Variants in CTNND2 observed in about 807,000 individuals in gnomAD.
CTNND2 encodes catenin delta 2.
Under a neutral mutation model 144.4 loss-of-function variants are expected in CTNND2, and 22 were observed. The ratio of observed to expected loss-of-function variants is 0.15; its 90% CI spans 0.11 to 0.22. The LOEUF is 0.22. Among genes scored for constraint, CTNND2 ranks in the 10% least tolerant of loss-of-function variants. CTNND2 has a pLI of 1.00. For synonymous variants in CTNND2, 751 were observed against 695.6 expected (o/e 1.08, Z -1.25); for missense variants, 1,353 against 1,618.8 (o/e 0.84, Z 2.82).
At chr5:11,594,939 G>C (rs970419649) in intron 2 of CTNND2, among the ~76,000 whole-genome samples, 6 of 152,120 alleles carry the variant, frequency 3.9e-5, no homozygotes, top group African/African-American at 1.2e-4. Context: ...CTTATTTTCT[G>C]ATAATCAGCA....
At chr5:11,629,848 T>C (rs1781331148) in intron 2 of CTNND2, among the ~76,000 whole-genome samples, 1 of 152,126 alleles carries the variant, frequency 6.6e-6, no homozygotes, top group Non-Finnish European at 1.5e-5. Flanking sequence ...CTCATTATTT[T>C]AACATACCAT....
chr5:10,994,563 T>C (rs540885668), intron 18 of CTNND2, among the ~76,000 whole-genome samples: 2 of 152,032 alleles, frequency 1.3e-5, no homozygotes, highest in South Asian at 2.1e-4. Context: ...GGAGGTGCTG[T>C]CGGGAGCCTT....
chr5:11,056,045 G>C (rs372544001), intron 16 of CTNND2, among the ~76,000 whole-genome samples: 3 of 152,342 alleles, frequency 2.0e-5, no homozygotes, highest in East Asian at 3.9e-4. Context: ...AACATGAGTA[G>C]TTGCAACATG....
intron 3 of CTNND2, among the ~76,000 whole-genome samples, chr5:11,524,744 C>T (rs1209825852): frequency 6.6e-6 from 1 of 152,154 alleles, no homozygotes; most frequent in Admixed American, 6.5e-5. Flanking sequence ...TAATGCAGTT[C>T]CAACGTTTAC....
chr5:11,680,206 T>C (rs1784364516), intron 2 of CTNND2, among the ~76,000 whole-genome samples: 1 of 152,100 alleles, frequency 6.6e-6, no homozygotes, highest in African/African-American at 2.4e-5. Flanking sequence ...GAACAGCAGG[T>C]GGATATCACC....
intron 12 of CTNND2, among the ~76,000 whole-genome samples, chr5:11,127,578 A>G (rs934967879): frequency 7.9e-5 from 12 of 152,174 alleles, no homozygotes; most frequent in African/African-American, 2.4e-4. Context: ...TGGAAACCCA[A>G]TGGCATTGGC....
At chr5:11,730,625 G>T (rs907687706) in intron 2 of CTNND2, among the ~76,000 whole-genome samples, 1 of 152,226 alleles carries the variant, frequency 6.6e-6, no homozygotes, top group Admixed American at 6.5e-5. Flanking sequence ...GATCCAGTTT[G>T]CCAAAGAAAC....
intron 7 of CTNND2, among the ~76,000 whole-genome samples, chr5:11,381,924 G>A (rs543437282): frequency 3.9e-5 from 6 of 152,198 alleles, no homozygotes; most frequent in South Asian, 2.1e-4. Flanking sequence ...CCAAGATCAC[G>A]CCACGGCACT....
chr5:11,159,848 G>A, intron 11 of CTNND2, 89 bp from the exon 12 acceptor site: 1 of 1,058,558 alleles, frequency 9.4e-7, no homozygotes, highest in Non-Finnish European at 1.4e-6. Context: ...TAACGGAACT[G>A]GCAGGAAGGA....
chr5:11,509,214 C>G (rs1174182940), intron 3 of CTNND2, among the ~76,000 whole-genome samples: 1 of 152,138 alleles, frequency 6.6e-6, no homozygotes, highest in Non-Finnish European at 1.5e-5. Flanking sequence ...TCTTGCAGTT[C>G]CCCTAAGGCA....
chr5:11,238,705 T>C (rs1373299968), intron 9 of CTNND2, among the ~76,000 whole-genome samples: 1 of 152,152 alleles, frequency 6.6e-6, no homozygotes, highest in Non-Finnish European at 1.5e-5. Flanking sequence ...CACAGATATA[T>C]ATACACATTA....
At chr5:11,116,916 G>A (rs56378190) in intron 13 of CTNND2, among the ~76,000 whole-genome samples, 7,200 of 151,982 alleles carry the variant, frequency 0.047, 237 homozygotes, top group East Asian at 0.095. Flanking sequence ...AAAAATAGCC[G>A]GGTGTGGTGG....
At chr5:11,226,004 C>T (rs947268668) in intron 10 of CTNND2, among the ~76,000 whole-genome samples, 2 of 152,212 alleles carry the variant, frequency 1.3e-5, no homozygotes, top group Admixed American at 1.3e-4. Flanking sequence ...CCAAAGAATG[C>T]TGAGTACTGG....
At chr5:11,270,500 A>G (rs557219988) in intron 9 of CTNND2, among the ~76,000 whole-genome samples, 3 of 152,200 alleles carry the variant, frequency 2.0e-5, no homozygotes, top group East Asian at 1.9e-4. Flanking sequence ...CATTCACTGT[A>G]ATATTTAGCC....
At chr5:11,052,608 A>G (rs1426420034) in intron 16 of CTNND2, among the ~76,000 whole-genome samples, 3 of 152,154 alleles carry the variant, frequency 2.0e-5, no homozygotes, top group African/African-American at 7.2e-5. Flanking sequence ...ACCTTAAACC[A>G]GAATTCAAAT....
At chr5:11,719,215 G>A (rs941972293) in intron 2 of CTNND2, among the ~76,000 whole-genome samples, 3 of 152,152 alleles carry the variant, frequency 2.0e-5, no homozygotes, top group African/African-American at 4.8e-5. Flanking sequence ...CCATCATGCA[G>A]AATATTAGCC....
intron 3 of CTNND2, among the ~76,000 whole-genome samples, chr5:11,453,155 A>C (rs796827143): frequency 9.9e-5 from 15 of 152,206 alleles, no homozygotes; most frequent in African/African-American, 3.4e-4. Context: ...AGGGACTTCA[A>C]AACCTGTCCC....
intron 18 of CTNND2, among the ~76,000 whole-genome samples, chr5:10,994,468 A>G (rs1389738789): frequency 3.7e-4 from 2 of 5,430 alleles, no homozygotes; most frequent in African/African-American, 8.4e-4. Context: ...GGAAGGAGGA[A>G]GGGGGGCGGG....
intron 7 of CTNND2, among the ~76,000 whole-genome samples, chr5:11,377,433 G>C (rs1441498527): frequency 1.3e-5 from 2 of 152,002 alleles, no homozygotes; most frequent in Non-Finnish European, 2.9e-5. Flanking sequence ...CGGGAAATAG[G>C]GGAAACAAAT....
Sources: allele counts gnomAD v4.1 joint callset (sites outside exome capture counted in the v4.1 genomes callset), GRCh38; gene constraint gnomAD v4.1.1; transcripts MANE v1.5; gene names NCBI Gene and HGNC (gene_info 2026-07-23, HGNC 2026-07-21).